The following TNS1 variants were observed in gnomAD, a reference collection of about 807,000 sequenced individuals.
TNS1 encodes tensin-1.
In TNS1, 62 loss-of-function variants were observed where a neutral mutation model predicts 168.6. The ratio of observed to expected loss-of-function variants is 0.37; its 90% CI spans 0.30 to 0.45. TNS1 has a LOEUF of 0.45. TNS1 is among the 20% of genes least tolerant of loss of function. The pLI is 1.00. For synonymous variants in TNS1, 934 were observed against 933.2 expected (o/e 1.00, Z -0.02); for missense variants, 2,240 against 2,339.4 (o/e 0.96, Z 0.88).
At chr2:217,918,465 C>T (rs35855182) in intron 4 of TNS1, among the ~76,000 whole-genome samples, 25,385 of 152,112 alleles carry the variant, frequency 0.17, 2,950 homozygotes, top group African/African-American at 0.32. Flanking sequence ...CCTGCACAGG[C>T]GGGGCACCTC....
At chr2:217,893,400 G>GTGCACACA in intron 10 of TNS1, 39 bp downstream of exon 10, 2 of 1,461,504 alleles carry the variant, frequency 1.4e-6, no homozygotes, top group Non-Finnish European at 1.8e-6. Flanking sequence ...GTGCGCGCGC[G>GTGCACACA]CACACACACA....
chr2:217,884,265 G>A (rs1305472930), intron 16 of TNS1, among the ~76,000 whole-genome samples: 1 of 151,884 alleles, frequency 6.6e-6, no homozygotes, highest in Admixed American at 6.6e-5. Flanking sequence ...ATGGGTGGGT[G>A]CATAGATGGA....
chr2:217,815,198 CA>C (rs1941690615), intron 24 of TNS1, 200 bp from the exon 25 acceptor site: 5 of 577,970 alleles, frequency 8.7e-6, no homozygotes, highest in Non-Finnish European at 6.3e-6. Flanking sequence ...GGTGTCCTTA[CA>C]AGGAGAGGAG....
At chr2:217,956,114 G>T (rs1414404935) in intron 3 of TNS1, among the ~76,000 whole-genome samples, 1 of 152,184 alleles carries the variant, frequency 6.6e-6, no homozygotes, top group African/African-American at 2.4e-5. Flanking sequence ...CCACCCAGGG[G>T]TCAAGAGGAT....
At chr2:217,907,676 T>G (rs938982022) in intron 4 of TNS1, among the ~76,000 whole-genome samples, 2 of 152,216 alleles carry the variant, frequency 1.3e-5, no homozygotes, top group African/African-American at 4.8e-5. Context: ...TCAACTCTAA[T>G]AGAGACGGCA....
exon 1 of TNS1, chr2:218,010,318 G>T (rs897640937): frequency 7.6e-6 from 3 of 396,246 alleles, no homozygotes; most frequent in Non-Finnish European, 1.3e-5. Flanking sequence ...ACCCTGTCCC[G>T]GGTCTCCCGG....
intron 1 of TNS1, among the ~76,000 whole-genome samples, chr2:218,029,223 CG>C (rs34404539): frequency 0.35 from 52,745 of 151,958 alleles, 10,379 homozygotes; most frequent in Middle Eastern, 0.5. Context: ...GGCACAAGGC[CG>C]GGGGGCAAGT....
At chr2:217,932,263 C>A (rs1471474470) in intron 3 of TNS1, among the ~76,000 whole-genome samples, 2 of 152,162 alleles carry the variant, frequency 1.3e-5, no homozygotes, top group African/African-American at 2.4e-5. Flanking sequence ...AGAAAAAAAC[C>A]TGGACTGGGA....
At position 217,848,318 on chromosome 2, in the gene TNS1, G is replaced by A. The variant is rs771477176; in HGVS notation, c.2199C>T (p.His733=). 23 of 1,536,936 alleles carry A rather than the reference G, an allele frequency of 1.5e-5. No homozygotes were observed. The highest frequency in any genetic ancestry group is 1.8e-5 in the Non-Finnish European group (20 of 1,140,642). ...ACATACCGCTGGGGTCATGGGCATA[G>A]TGGGAGGTGGTCACTGGCTGTGGCC... ...PAWPQPVTTS[H]YAHDPSGMFR... is the part of the protein sequence containing the mutation. The change falls in exon 19 of 33, where the codon CAC becomes CAT. Residue 733 remains histidine, a synonymous_variant. Transcript: ENST00000682258.
chr2:217,804,242 C>G lies in TNS1; in HGVS notation c.*217G>C. 1 of 574,180 alleles carries G rather than the reference C, an allele frequency of 1.7e-6. No homozygotes were observed. The highest frequency in any genetic ancestry group is 2.3e-5 in the South Asian group (1 of 43,254). 35.6% of individuals were successfully genotyped at this position (574,180 alleles called of 1,614,324 possible). ...CCATCTACCCAGGGGAATCCAAGTT[C>G]TTCTCCTCCATCTTTCTCTCTCTCT... On this transcript the variant is annotated 3_prime_UTR_variant, in exon 33 of 33. Transcript: ENST00000682258.
At chr2:217,970,505 A>C (rs2126026870) in intron 3 of TNS1, among the ~76,000 whole-genome samples, 1 of 152,338 alleles carries the variant, frequency 6.6e-6, no homozygotes, top group Non-Finnish European at 1.5e-5. Flanking sequence ...CCAAATGTCC[A>C]CCAACTGATG....
chr2:217,836,174 T>C lies in TNS1; in HGVS notation c.3045A>G (p.Pro1015=). 6.2e-7 allele frequency: 1 copy of C among 1,613,266 alleles called. No individual in the cohort carries two copies. The highest frequency in any genetic ancestry group is 8.5e-7 in the Non-Finnish European group (1 of 1,179,658). Residue 1015 remains proline, a synonymous_variant, in exon 20 of 33, where the codon CCA becomes CCG. Coordinates refer to ENST00000682258, the MANE Select transcript of TNS1 (RefSeq NM_001387777.1). ...TGGCCGCCCGCCTCCGCAGAGGGGCTGGGGGCTCTGCAGGCTGCTTCTCCC... is the reference window on the plus strand; with the variant it reads ...TGGCCGCCCGCCTCCGCAGAGGGGCCGGGGGCTCTGCAGGCTGCTTCTCCC... ...QAREKQPAEP[P]APLRRRAASD... is the part of the protein sequence containing the mutation.
At chr2:217,840,724 C>T (rs1945834543) in intron 19 of TNS1, among the ~76,000 whole-genome samples, 1 of 152,262 alleles carries the variant, frequency 6.6e-6, no homozygotes, top group Admixed American at 6.5e-5. Flanking sequence ...CCTGCCGAGA[C>T]CTAGCCCTGC....
rs1400650349 is a variant in TNS1 at position 217,948,961 on chromosome 2, G to A, written c.187-28725C>T. 6.6e-6 allele frequency among the ~76,000 whole-genome samples: 1 copy of A among 152,168 alleles called. No individual in the cohort carries two copies. Among genetic ancestry groups the A allele is most frequent in the African/African-American group, 2.4e-5 (1 of 41,438 alleles). On this transcript the variant is annotated intron_variant, in intron 3 of 32. Coordinates refer to ENST00000682258, the MANE Select transcript of TNS1 (RefSeq NM_001387777.1). This position sits in a 1 kb window ranked among gnomAD's most constrained non-coding sequence, Gnocchi z 4.1. ...CTCAGATTTGTACCATAGTGTCAGG[G>A]CAGAGGATGGAAAGGGAAGGAGAGT...
intron 19 of TNS1, among the ~76,000 whole-genome samples, chr2:217,844,932 A>G (rs1946445446): frequency 1.3e-5 from 2 of 152,218 alleles, no homozygotes; most frequent in African/African-American, 4.8e-5. Flanking sequence ...AGGACATCCA[A>G]TACAATGTTA....
chr2:217,937,275 A>G (rs866264780), intron 3 of TNS1: 11 of 335,392 alleles, frequency 3.3e-5, no homozygotes, highest in Admixed American at 1.2e-4. Context: ...ATGCCCTCAA[A>G]GGCTTTTAAA....
At chr2:218,029,488 C>T (rs1182414788) in intron 1 of TNS1, among the ~76,000 whole-genome samples, 2 of 152,080 alleles carry the variant, frequency 1.3e-5, no homozygotes, top group Non-Finnish European at 2.9e-5. Flanking sequence ...CACAGTAGCC[C>T]AAAACTAGAA....
At chr2:217,973,057 T>C (rs542654993) in intron 3 of TNS1, among the ~76,000 whole-genome samples, 3 of 152,192 alleles carry the variant, frequency 2.0e-5, no homozygotes, top group African/African-American at 7.2e-5. Context: ...TGTGCTAACA[T>C]AAAAGTGGAA....
At chr2:217,973,714 GC>G (rs1324264176) in intron 3 of TNS1, among the ~76,000 whole-genome samples, 1 of 152,210 alleles carries the variant, frequency 6.6e-6, no homozygotes, top group Non-Finnish European at 1.5e-5. Flanking sequence ...CCGTCATGGG[GC>G]CTGGATGTTG....
Sources: allele counts gnomAD v4.1 joint callset (sites outside exome capture counted in the v4.1 genomes callset), GRCh38; gene constraint gnomAD v4.1.1; non-coding constraint Gnocchi (gnomAD v3.1); transcripts MANE v1.5; gene names NCBI Gene and HGNC (gene_info 2026-07-23, HGNC 2026-07-21).